The following AMPD2 variants were observed in gnomAD, a reference collection of about 807,000 sequenced individuals.
AMPD2 encodes the protein AMP deaminase 2.
AMPD2 carries 52 observed loss-of-function variants against 91.3 expected under a neutral mutation model. The observed-to-expected ratio is 0.57, with a 90% CI of 0.46 to 0.72. AMPD2 has a LOEUF of 0.72. AMPD2 is among the 30% of genes least tolerant of loss of function. The pLI is 0.00. For synonymous variants in AMPD2, 455 were observed against 456.4 expected (o/e 1.00, Z 0.04); for missense variants, 822 against 1,122.3 (o/e 0.73, Z 3.82).
At position 109,630,336 on chromosome 1, in the gene AMPD2, C is replaced by G. The variant is rs1273731948; in HGVS notation, c.2087C>G (p.Pro696Arg). Reference sequence around the variant, plus strand: ...CTCAGCTATCACCGGAATCCGCTACCGGAGTACCTGTCCCGCGGCCTCATG... The same window carrying G: ...CTCAGCTATCACCGGAATCCGCTACGGGAGTACCTGTCCCGCGGCCTCATG... ...LFLSYHRNPL[P>R]EYLSRGLMVS... The change falls in exon 17 of 19, where the codon CCG becomes CGG. Residue 696 changes from proline (P) to arginine (R), a missense_variant. By Grantham distance (103) the Pro-to-Arg change is moderately radical. Coordinates refer to ENST00000528667, the MANE Select transcript of AMPD2 (RefSeq NM_001368809.2). 1 of 1,614,052 alleles carries G rather than the reference C, an allele frequency of 6.2e-7. No individual in the cohort carries two copies. The highest frequency in any genetic ancestry group is 8.5e-7 in the Non-Finnish European group (1 of 1,180,014).
chr1:109,626,600 A>G, intron 6 of AMPD2, 126 bp from the exon 7 acceptor site: 1 of 1,384,954 alleles, frequency 7.2e-7, no homozygotes. Flanking sequence ...GACCAGGGTG[A>G]TCTGAGTGTT....
Position 109,627,240 on chromosome 1 carries a change from C to A in AMPD2, c.784C>A (p.Pro262Thr). Residue 262 changes from proline (P) to threonine (T), a missense_variant, in exon 8 of 19, where the codon CCT becomes ACT. Physicochemically the swap from Pro to Thr is conservative, Grantham distance 38. Coordinates refer to ENST00000528667, the MANE Select transcript of AMPD2 (RefSeq NM_001368809.2). ...TGAGCACTGTGAGCCAAGCACCATGCCTGGGGACCTGGGCTTGGGTCTGCG... is the reference window on the plus strand; with the variant it reads ...TGAGCACTGTGAGCCAAGCACCATGACTGGGGACCTGGGCTTGGGTCTGCG... The part of the protein sequence containing the change: ...PYEHCEPSTM[P>T]GDLGLGLRMV... 1.2e-6 allele frequency: 2 copies of A among 1,612,326 alleles called. No homozygotes were observed. Among genetic ancestry groups the A allele is most frequent in the Non-Finnish European group, 1.7e-6 (2 of 1,179,102 alleles).
chr1:109,630,355 C>T lies in AMPD2; in HGVS notation c.2106C>T (p.Gly702=), dbSNP rs751707359. 6.2e-7 allele frequency: 1 copy of T among 1,613,948 alleles called. No individual in the cohort carries two copies. The highest frequency in any genetic ancestry group is 1.7e-5 in the Admixed American group (1 of 60,008). Residue 702 remains glycine (G), a synonymous_variant, in exon 17 of 19, where the codon GGC becomes GGT. Coordinates refer to ENST00000528667, the MANE Select transcript of AMPD2 (RefSeq NM_001368809.2). The part of the protein sequence containing the change: ...RNPLPEYLSR[G]LMVSLSTDDP... Reference sequence around the variant, plus strand: ...CGCTACCGGAGTACCTGTCCCGCGGCCTCATGGTCTCCCTGTCCACTGATG... The same window carrying T: ...CGCTACCGGAGTACCTGTCCCGCGGTCTCATGGTCTCCCTGTCCACTGATG...
chr1:109,630,189 C>T lies in AMPD2; in HGVS notation c.1984-44C>T, dbSNP rs745795804. 5.0e-6 allele frequency: 8 copies of T among 1,603,930 alleles called. No individual in the cohort carries two copies. In the East Asian group the frequency reaches 1.6e-4, roughly 31 times the overall value. On this transcript the variant is annotated intron_variant, in intron 16 of 18. Transcript: ENST00000528667. ...CCAGAACCACTGTGCCCTGCCCAGCCTCGGGGCCACCTGACAGGCCCTCCC... is the reference window on the plus strand; with the variant it reads ...CCAGAACCACTGTGCCCTGCCCAGCTTCGGGGCCACCTGACAGGCCCTCCC...
In AMPD2 at chr1:109,627,916, C is replaced by T. The variant is rs749833345; in HGVS notation, c.1080+13C>T. The T allele has an allele frequency of 6.2e-7, 1 of 1,613,840 alleles. No homozygotes were observed. Among genetic ancestry groups the T allele is most frequent in the Non-Finnish European group, 8.5e-7 (1 of 1,179,888 alleles). On this transcript the variant is annotated intron_variant, in intron 10 of 18. Transcript: ENST00000528667. ...CAACATCCGCAAGGTGGGCCCTCAC[C>T]CCGTGGCCGTCTCCATGTCCTCATC...
At chr1:109,630,623 GA>G in intron 17 of AMPD2, 59 bp from the exon 18 acceptor site, 1 of 1,462,166 alleles carries the variant, frequency 6.8e-7, no homozygotes, top group Non-Finnish European at 9.3e-7. Flanking sequence ...GGAGGCTGGG[GA>G]AGGGAGGCAG....
chr1:109,629,962 C>T (rs964742628), intron 16 of AMPD2, 46 bp downstream of exon 16: 2 of 1,564,124 alleles, frequency 1.3e-6, no homozygotes, highest in Non-Finnish European at 1.7e-6. Flanking sequence ...GTTCACCTTC[C>T]TCTGAACCAT....
rs1650728435 is a variant in AMPD2, at chr1:109,626,819, T to G, written c.625T>G (p.Cys209Gly). The change falls in exon 7 of 19, where the codon TGC becomes GGC. Residue 209 changes from cysteine to glycine, a missense_variant. Cys to Gly is a radical substitution (Grantham distance 159). Around this residue, in one of 5 missense-constraint regions of AMPD2, gnomAD observed 240 missense variants for 270.3 expected, o/e 0.89. Transcript: ENST00000528667. ...CATGGCCCTGTCCCTGCAGAGCTTC[T>G]GCCCCACCACCCGCCGCTACCTGCA... ...KYMALSLQSFCPTTRRYLQQL... is the reference protein window; with the variant it reads ...KYMALSLQSFGPTTRRYLQQL... 7.4e-6 allele frequency: 12 copies of G among 1,613,718 alleles called. No individual in the cohort carries two copies. The highest frequency in any genetic ancestry group is 1.0e-5 in the Non-Finnish European group (12 of 1,179,908).
At chr1:109,629,661 T>C in intron 15 of AMPD2, 135 bp from the exon 16 acceptor site, 1 of 1,457,864 alleles carries the variant, frequency 6.9e-7, no homozygotes, top group Non-Finnish European at 9.3e-7. Flanking sequence ...GCCAGTAATC[T>C]ACCCCTGTCC....
Position 109,627,266 on chromosome 1 carries a change from C to T in AMPD2, c.810C>T (p.Arg270=). Residue 270 remains arginine, a synonymous_variant, in exon 8 of 19, where the codon CGC becomes CGT. Transcript: ENST00000528667. ...TMPGDLGLGL[R]MVRGVVHVYT... Reference sequence around the variant, plus strand: ...CTGGGGACCTGGGCTTGGGTCTGCGCATGGTGCGGGGTGTGGTGCACGTCT... The same window carrying T: ...CTGGGGACCTGGGCTTGGGTCTGCGTATGGTGCGGGGTGTGGTGCACGTCT... The T allele has an allele frequency of 6.2e-7, 1 of 1,609,988 alleles. No individual in the cohort carries two copies. The highest frequency in any genetic ancestry group is 8.5e-7 in the Non-Finnish European group (1 of 1,177,812).
Position 109,627,270 on chromosome 1 carries a change from G to C in AMPD2, c.814G>C (p.Val272Leu). 1 of 1,608,958 alleles carries C rather than the reference G, an allele frequency of 6.2e-7. No individual in the cohort carries two copies. The highest frequency in any genetic ancestry group is 1.7e-4 in the Middle Eastern group (1 of 6,026). The change falls in exon 8 of 19, where the codon GTG (valine) becomes CTG (leucine). Residue 272 changes from valine (V) to leucine (L), a missense_variant. Physicochemically the swap from Val to Leu is conservative, Grantham distance 32. Coordinates refer to ENST00000528667, the MANE Select transcript of AMPD2 (RefSeq NM_001368809.2). ...GGACCTGGGCTTGGGTCTGCGCATG[G>C]TGCGGGGTGTGGTGCACGTCTACAC... ...PGDLGLGLRM[V>L]RGVVHVYTRR...
Position 109,631,731 on chromosome 1 carries a change from C to T in AMPD2, c.*579C>T, listed in dbSNP as rs949177158. 1 of 160,494 alleles carries T rather than the reference C, an allele frequency of 6.2e-6. No individual in the cohort carries two copies. The highest frequency in any genetic ancestry group is 2.4e-5 in the African/African-American group (1 of 41,486). 9.9% of individuals were successfully genotyped at this position (160,494 alleles called of 1,614,324 possible). A position where few individuals can be genotyped will look rare whatever the true frequency, so the allele number is the denominator to read the frequency against. ...GACGCAGGCGGCAGAGGTGCTGGAC[C>T]ACATCTCCGCCAAGTCACTGCCCAG... is the stretch of plus-strand genomic sequence containing the variant. On this transcript the variant is annotated 3_prime_UTR_variant, in exon 19 of 19. Coordinates refer to ENST00000528667, the MANE Select transcript of AMPD2 (RefSeq NM_001368809.2).
Position 109,631,010 on chromosome 1 carries a change from C to T in AMPD2, c.2336C>T (p.Thr779Ile). ...EGPEGNDIRR[T>I]NVPDIRVGYR... Reference sequence around the variant, plus strand: ...CCTGAGGGGAATGACATCCGCCGGACCAATGTGCCAGACATCCGCGTGGGC... The same window carrying T: ...CCTGAGGGGAATGACATCCGCCGGATCAATGTGCCAGACATCCGCGTGGGC... The change falls in exon 19 of 19, where the codon ACC (threonine) becomes ATC (isoleucine). Residue 779 changes from threonine to isoleucine, a missense_variant. Thr to Ile is a moderately conservative substitution (Grantham distance 89). Transcript: ENST00000528667. 1 of 1,614,202 alleles carries T rather than the reference C, an allele frequency of 6.2e-7. No individual in the cohort carries two copies. The highest frequency in any genetic ancestry group is 8.5e-7 in the Non-Finnish European group (1 of 1,180,036).
intron 2 of AMPD2, chr1:109,623,775 C>A (rs1251023528): frequency 6.5e-6 from 1 of 153,326 alleles, no homozygotes. Context: ...GCCTGCCCTG[C>A]CCAAGTCAGC....
At chr1:109,630,052 C>G (rs1476180471) in intron 16 of AMPD2, 136 bp downstream of exon 16, 1 of 1,431,288 alleles carries the variant, frequency 7.0e-7, no homozygotes, top group Non-Finnish European at 9.5e-7. Context: ...CTACCCTTCC[C>G]CACCCCAGCC....
In AMPD2 at chr1:109,625,742, G is replaced by A. The variant is rs1471118992; in HGVS notation, c.303G>A (p.Gln101=). 9.3e-6 allele frequency: 15 copies of A among 1,614,178 alleles called. No homozygotes were observed. The highest frequency in any genetic ancestry group is 1.3e-5 in the Non-Finnish European group (15 of 1,180,026). The change falls in exon 4 of 19, where the codon CAG becomes CAA. Residue 101 remains glutamine (Q), a synonymous_variant. Transcript: ENST00000528667. This position sits in a 1 kb window ranked among gnomAD's most constrained non-coding sequence, Gnocchi z 4.0. ...YEFPEESPIE[Q]LEERRQRLER... is the part of the protein sequence containing the mutation. Reference sequence around the variant, plus strand: ...TCCCCGAGGAGAGCCCCATTGAACAGCTGGAGGAGCGGCGGCAGCGGCTGG... The same window carrying A: ...TCCCCGAGGAGAGCCCCATTGAACAACTGGAGGAGCGGCGGCAGCGGCTGG...
chr1:109,628,732 G>A lies in AMPD2; in HGVS notation c.1497G>A (p.Lys499=), dbSNP rs1650939684. ...GGCGCTCGAGGGATGAGTGGGACAA[G>A]CTGGCGCGCTGGGCCGTCATGCACC... is the stretch of plus-strand genomic sequence containing the variant. The part of the protein sequence containing the change: ...IYGRSRDEWD[K]LARWAVMHRV... Residue 499 remains lysine (K), a synonymous_variant, in exon 13 of 19, where the codon AAG becomes AAA. Transcript: ENST00000528667. This position sits in a 1 kb window ranked among gnomAD's most constrained non-coding sequence, Gnocchi z 7.1. The A allele has an allele frequency of 6.2e-7, 1 of 1,607,828 alleles. No individual in the cohort carries two copies. Among genetic ancestry groups the A allele is most frequent in the Non-Finnish European group, 8.5e-7 (1 of 1,176,850 alleles).
In AMPD2 at chr1:109,625,861, G is replaced by T; in HGVS notation, c.353+69G>T. On this transcript the variant is annotated intron_variant, in intron 4 of 18. Coordinates refer to ENST00000528667, the MANE Select transcript of AMPD2 (RefSeq NM_001368809.2). This position sits in a 1 kb window ranked among gnomAD's most constrained non-coding sequence, Gnocchi z 4.0. ...CAGACCCTTTCAGAGCCCCTTTTCT[G>T]CCTCTTTCCCTCGCACCCTGCCTTG... 6.3e-7 allele frequency: 1 copy of T among 1,595,678 alleles called. No individual in the cohort carries two copies. Among genetic ancestry groups the T allele is most frequent in the Admixed American group, 1.7e-5 (1 of 58,940 alleles).
chr1:109,629,836 G>C lies in AMPD2; in HGVS notation c.1903G>C (p.Gly635Arg). 6.2e-7 allele frequency: 1 copy of C among 1,612,336 alleles called. No homozygotes were observed. Among genetic ancestry groups the C allele is most frequent in the Non-Finnish European group, 8.5e-7 (1 of 1,178,878 alleles). The change falls in exon 16 of 19, where the codon GGG becomes CGG. Residue 635 changes from glycine (G) to arginine (R), a missense_variant. Transcript: ENST00000528667. The part of the protein sequence containing the change: ...FHTFVLRPHC[G>R]EAGPIHHLVS... ...CACGTTTGTGCTGAGGCCACACTGT[G>C]GGGAGGCTGGGCCCATCCACCACCT... is the stretch of plus-strand genomic sequence containing the variant.
Sources: allele counts gnomAD v4.1 joint callset, GRCh38; gene constraint gnomAD v4.1.1; regional missense constraint gnomAD v4.1.1; non-coding constraint Gnocchi (gnomAD v3.1); transcripts MANE v1.5; gene names NCBI Gene and HGNC (gene_info 2026-07-23, HGNC 2026-07-21).